CFAP46: variants seen among roughly 807,000 people sequenced by gnomAD.
CFAP46 encodes the protein cilia- and flagella-associated protein 46.
A neutral mutation model predicts 325.7 loss-of-function variants in CFAP46; 245 were observed. That is an observed-to-expected ratio of 0.75 (90% CI 0.68 to 0.84). The LOEUF (loss-of-function observed/expected upper bound fraction) is 0.84. Ranked by LOEUF, CFAP46 falls within the 40% of genes least tolerant of loss-of-function variation. The pLI is 0.00. For missense variants in CFAP46, 3,346 were observed against 3,543.0 expected (o/e 0.94, Z 1.41); for synonymous variants, 1,523 against 1,495.9 (o/e 1.02, Z -0.42).
intron 37 of CFAP46, 74 bp from the exon 38 acceptor site, chr10:132,859,321 C>CTGTTCTCCCCGG: frequency 7.5e-7 from 1 of 1,332,496 alleles, no homozygotes; most frequent in Non-Finnish European, 1.0e-6. Flanking sequence ...TGGGCTGCCG[C>CTGTTCTCCCCGG]TGTTCTCCCC....
intron 35 of CFAP46, among the ~76,000 whole-genome samples, chr10:132,865,628 C>T (rs4373843): frequency 0.097 from 14,813 of 152,174 alleles, 1,946 homozygotes; most frequent in African/African-American, 0.3. Context: ...CCCAGGCAGC[C>T]CCGCACACAA....
At chr10:132,824,665 C>T (rs1415895203) in intron 50 of CFAP46, among the ~76,000 whole-genome samples, 35 of 49,716 alleles carry the variant, frequency 7.0e-4, no homozygotes, top group Middle Eastern at 0.019. Context: ...TGTGTGCTGA[C>T]GTGTGCTGTG....
At chr10:132,836,580 A>G (rs944506827) in intron 45 of CFAP46, among the ~76,000 whole-genome samples, 1 of 152,218 alleles carries the variant, frequency 6.6e-6, no homozygotes, top group African/African-American at 2.4e-5. Flanking sequence ...GACCAGACAC[A>G]AAGACCCTGT....
rs755749929 is a variant in CFAP46, at chr10:132,887,354, TCC to T, written c.3305-1397_3305-1396del. ...CGCTTCTCTCTCTCCTCTCCTCTCC[TCC>T]CCTCTTCTTTCCTCTCCCCTCTTCT... On this transcript the variant is annotated intron_variant, in intron 25 of 57. Transcript: ENST00000368586. 3.6e-5 allele frequency among the ~76,000 whole-genome samples: 2 copies of T among 55,690 alleles called. 1 individual carries two copies. Among genetic ancestry groups the T allele is most frequent in the African/African-American group, 1.6e-4 (2 of 12,360 alleles). The allele number at this position is 55,690 out of a possible 152,430, so 36.5% of individuals were successfully genotyped here. A position where few individuals can be genotyped will look rare whatever the true frequency, so the allele number is the denominator to read the frequency against.
intron 11 of CFAP46, among the ~76,000 whole-genome samples, chr10:132,922,919 C>T (rs1048668075): frequency 1.3e-5 from 2 of 152,208 alleles, no homozygotes; most frequent in East Asian, 1.9e-4. Flanking sequence ...CCCTGCAGAC[C>T]GCAGAGGCCT....
rs1176095114 is a variant in CFAP46 at position 132,894,955 on chromosome 10, T to TGAGTA, written c.3220-2539_3220-2538insTACTC. On this transcript the variant is annotated intron_variant, in intron 24 of 57. Transcript: ENST00000368586. ...AAAAGAAACACTCCTGGGTTCACCC[T>TGAGTA]ATGAGGCCAGCATTACTCTGCTATC... Among the ~76,000 whole-genome samples the TGAGTA allele has an allele frequency of 2.6e-3, 391 of 152,366 alleles. 2 individuals are homozygous for TGAGTA. The highest frequency in any genetic ancestry group is 9.0e-3 in the African/African-American group (375 of 41,586).
At chr10:132,911,869 C>T (rs1280640049) in intron 19 of CFAP46, among the ~76,000 whole-genome samples, 5 of 152,112 alleles carry the variant, frequency 3.3e-5, no homozygotes, top group African/African-American at 9.7e-5. Context: ...GCCTGGAGCC[C>T]GCCCTGAGGG....
At chr10:132,942,203 C>A in intron 1 of CFAP46, 99 bp from the exon 2 acceptor site, 1 of 1,459,786 alleles carries the variant, frequency 6.9e-7, no homozygotes, top group Non-Finnish European at 9.2e-7. Context: ...GCCTTGGGCC[C>A]CCGGGCCACA....
intron 32 of CFAP46, 33 bp downstream of exon 32, chr10:132,872,643 G>T: frequency 6.5e-7 from 1 of 1,550,202 alleles, no homozygotes. Flanking sequence ...TTGCTTTGGG[G>T]AAATCACACT....
chr10:132,821,862 G>A, intron 50 of CFAP46, among the ~76,000 whole-genome samples: 1 of 145,588 alleles, frequency 6.9e-6, no homozygotes, highest in African/African-American at 2.6e-5. Context: ...GATGTGTGCT[G>A]TGTGTGCTGT....
At chr10:132,895,049 A>C (rs1277916473) in intron 24 of CFAP46, among the ~76,000 whole-genome samples, 1 of 152,240 alleles carries the variant, frequency 6.6e-6, no homozygotes, top group Admixed American at 6.5e-5. Flanking sequence ...ACAGGTGCAA[A>C]AATCCTCCAC....
intron 3 of CFAP46, 112 bp from the exon 4 acceptor site, chr10:132,941,172 C>A (rs1294679499): frequency 1.9e-6 from 2 of 1,026,676 alleles, no homozygotes; most frequent in East Asian, 2.4e-5. Context: ...CTGTGTGTCA[C>A]CTGTGTATCC....
Position 132,937,674 on chromosome 10 carries a change from C to T in CFAP46, c.538G>A (p.Glu180Lys), listed in dbSNP as rs2135735611. ...GCTTGCAGATAACACTCCAGAAGTT[C>T]CCTGGATAATAGAAACACACCACTG... is the stretch of plus-strand genomic sequence containing the variant. ...DKEWRAELMLELLECYLQAGR... is the reference protein window; with the variant it reads ...DKEWRAELMLKLLECYLQAGR... The change falls in exon 6 of 58, where the codon GAA (glutamate) becomes AAA (lysine). Residue 180 changes from glutamate (E) to lysine (K), a missense_variant and splice_region_variant. Transcript: ENST00000368586. 6.2e-7 allele frequency: 1 copy of T among 1,602,944 alleles called. No homozygotes were observed. Among genetic ancestry groups the T allele is most frequent in the East Asian group, 2.2e-5 (1 of 44,678 alleles).
chr10:132,912,222 T>TTCTCTCTC (rs1554883918), intron 19 of CFAP46, among the ~76,000 whole-genome samples: 1 of 103,486 alleles, frequency 9.7e-6, no homozygotes, highest in Non-Finnish European at 2.0e-5. Flanking sequence ...CTCCTCTCTC[T>TTCTCTCTC]TCTCCTCTCT....
intron 50 of CFAP46, among the ~76,000 whole-genome samples, chr10:132,831,707 G>A (rs942338789): frequency 6.6e-6 from 1 of 152,026 alleles, no homozygotes; most frequent in Non-Finnish European, 1.5e-5. Flanking sequence ...CTTTTAGTTG[G>A]GGGTGTTTAG....
At chr10:132,809,635 G>A (rs755203581) in intron 57 of CFAP46, among the ~76,000 whole-genome samples, 3 of 152,166 alleles carry the variant, frequency 2.0e-5, no homozygotes, top group African/African-American at 4.8e-5. Flanking sequence ...TCCGTGCACC[G>A]CTGAGCGCCT....
intron 22 of CFAP46, among the ~76,000 whole-genome samples, chr10:132,902,721 C>T (rs73393286): frequency 0.095 from 14,503 of 152,190 alleles, 1,843 homozygotes; most frequent in African/African-American, 0.29. Context: ...TGCTGGACGT[C>T]GTGAGGGCTC....
In CFAP46 at chr10:132,847,980, G is replaced by A. The variant is rs934483294; in HGVS notation, c.5953-659C>T. Among the ~76,000 whole-genome samples the A allele has an allele frequency of 3.3e-5, 5 of 152,146 alleles. No homozygotes were observed. The highest frequency in any genetic ancestry group is 9.7e-5 in the African/African-American group (4 of 41,446). On this transcript the variant is annotated intron_variant, in intron 41 of 57. Coordinates refer to ENST00000368586, the MANE Select transcript of CFAP46 (RefSeq NM_001200049.3). The surrounding 1 kb of genome is among the most constrained non-coding windows in gnomAD (Gnocchi z 5.2). ...CAAGCACGCTGGAGGCAGGGCAGCC[G>A]TGGCCACCTGACACGCACGGCTGCC...
At chr10:132,909,280 G>A in intron 20 of CFAP46, 36 bp from the exon 21 acceptor site, 1 of 1,434,844 alleles carries the variant, frequency 7.0e-7, no homozygotes, top group South Asian at 1.2e-5. Context: ...ATCAGCCCAA[G>A]CGTGCGGGGG....
Sources: gnomAD v4.1 joint callset for allele counts (sites outside exome capture counted in the v4.1 genomes callset) on GRCh38, gnomAD v4.1.1 for gene constraint, Gnocchi (gnomAD v3.1) non-coding constraint, MANE v1.5 for transcripts, NCBI Gene and HGNC (gene_info 2026-07-23, HGNC 2026-07-21) for gene names.